SVEP1: variants seen among roughly 807,000 people sequenced by gnomAD.
The protein encoded by SVEP1 is sushi, von Willebrand factor type A, EGF and pentraxin domain containing 1.
SVEP1 carries 164 observed loss-of-function variants against 367.3 expected under a neutral mutation model. The observed-to-expected ratio is 0.45, with a 90% confidence interval of 0.39 to 0.51. SVEP1 has a LOEUF of 0.51. Ranked by LOEUF, SVEP1 falls within the 20% of genes least tolerant of loss-of-function variation. SVEP1 has a pLI of 0.00. For missense variants in SVEP1, 4,117 were observed against 4,425.3 expected (o/e 0.93, Z 1.98); for synonymous variants, 1,666 against 1,611.6 (o/e 1.03, Z -0.81).
chr9:110,451,192 T>C (rs1259136825), intron 23 of SVEP1, 97 bp downstream of exon 23: 2 of 967,754 alleles, frequency 2.1e-6, no homozygotes, highest in Non-Finnish European at 3.1e-6. Flanking sequence ...AGTAATAAAA[T>C]CCAAAAATTC....
intron 22 of SVEP1, among the ~76,000 whole-genome samples, chr9:110,453,593 CGG>C (rs149938266): frequency 0.033 from 5,032 of 152,010 alleles, 79 homozygotes; most frequent in Middle Eastern, 0.058. Flanking sequence ...TGGCCAGGGG[CGG>C]GGTGGCTCAG....
chr9:110,539,257 G>C (rs374602478), intron 3 of SVEP1, among the ~76,000 whole-genome samples: 40 of 152,172 alleles, frequency 2.6e-4, no homozygotes, highest in African/African-American at 9.1e-4. Flanking sequence ...ATGGGAAAGG[G>C]AGCCAGAAAA....
rs1200106811 is a variant in SVEP1, at chr9:110,429,188, A to C, written c.5762T>G (p.Leu1921Arg). 1 of 1,599,524 alleles carries C rather than the reference A, an allele frequency of 6.3e-7. No individual in the cohort carries two copies. Among genetic ancestry groups the C allele is most frequent in the African/African-American group, 1.3e-5 (1 of 74,764 alleles). ...INNGKYILSG[L>R]TYLSTASYSC... ...ATATGATGCAGTAGAAAGGTAGGTA[A>C]GCCCACTCAAAATATATTTTCCATT... The change falls in exon 35 of 48, where the codon CTT (leucine) becomes CGT (arginine). Residue 1921 changes from leucine to arginine, a missense_variant. Coordinates refer to ENST00000374469, the MANE Select transcript of SVEP1 (RefSeq NM_153366.4).
intron 1 of SVEP1, 33 bp downstream of exon 1, chr9:110,578,966 AAGGGCCCGGGGACT>A (rs1830658622): frequency 6.5e-6 from 10 of 1,533,126 alleles, no homozygotes; most frequent in Non-Finnish European, 7.9e-6. Context: ...CGGTGGGTCG[AAGGGCCCGGGGACT>A]AGGGCCCGGG....
At chr9:110,555,928 T>C (rs1830352297) in intron 1 of SVEP1, among the ~76,000 whole-genome samples, 1 of 152,210 alleles carries the variant, frequency 6.6e-6, no homozygotes, top group Non-Finnish European at 1.5e-5. Flanking sequence ...TTGTGGAATG[T>C]ATTAGAAGGC....
intron 40 of SVEP1, among the ~76,000 whole-genome samples, chr9:110,399,304 A>G (rs553003278): frequency 6.8e-6 from 1 of 147,306 alleles, no homozygotes; most frequent in Admixed American, 6.8e-5. Flanking sequence ...ATGAGAACAC[A>G]TGGACACAGG....
At chr9:110,493,637 T>C (rs1266156074) in intron 8 of SVEP1, among the ~76,000 whole-genome samples, 3 of 151,842 alleles carry the variant, frequency 2.0e-5, no homozygotes, top group Non-Finnish European at 4.4e-5. Flanking sequence ...GAGGCTGAGG[T>C]AGAAGAATCG....
intron 5 of SVEP1, among the ~76,000 whole-genome samples, chr9:110,510,970 T>A (rs756522800): frequency 3.9e-5 from 6 of 152,156 alleles, no homozygotes; most frequent in Non-Finnish European, 8.8e-5. Flanking sequence ...AGTTTAGAAA[T>A]CTAGGGTCTA....
At chr9:110,376,305 G>A (rs1236305906) in intron 45 of SVEP1, among the ~76,000 whole-genome samples, 2 of 152,008 alleles carry the variant, frequency 1.3e-5, no homozygotes, top group Non-Finnish European at 2.9e-5. Flanking sequence ...CAGACCTGTC[G>A]TGGGGTACCC....
chr9:110,463,314 C>T (rs949583085), intron 18 of SVEP1, among the ~76,000 whole-genome samples: 6 of 152,020 alleles, frequency 3.9e-5, no homozygotes, highest in African/African-American at 1.4e-4. Context: ...TGTGTACCTA[C>T]AAACCCAAGA....
chr9:110,472,284 G>A lies in SVEP1; in HGVS notation c.2639C>T (p.Ser880Phe), dbSNP rs1195762871. Residue 880 changes from serine to phenylalanine, a missense_variant, in exon 15 of 48, where the codon TCT becomes TTT. By Grantham distance (155) the Ser-to-Phe change is radical (BLOSUM62 -2). Around this residue, in one of 4 missense-constraint regions of SVEP1, gnomAD observed 2,174 missense variants for 2,494.3 expected, o/e 0.87. Coordinates refer to ENST00000374469, the MANE Select transcript of SVEP1 (RefSeq NM_153366.4). Reference sequence around the variant, plus strand: ...CACAGTGTCCAGGAAGTCATCGTAAGAGTAATCCAGCCTATTAGCTGCACC... The same window carrying A: ...CACAGTGTCCAGGAAGTCATCGTAAAAGTAATCCAGCCTATTAGCTGCACC... ...GWGAANRLDY[S>F]YDDFLDTVQE... is the part of the protein sequence containing the mutation. 13 of 1,609,816 alleles carry A rather than the reference G, an allele frequency of 8.1e-6. No homozygotes were observed. The highest frequency in any genetic ancestry group is 3.3e-4 in the Middle Eastern group (2 of 6,050).
At chr9:110,449,845 A>G (rs1263272323) in intron 24 of SVEP1, among the ~76,000 whole-genome samples, 1 of 152,194 alleles carries the variant, frequency 6.6e-6, no homozygotes, top group African/African-American at 2.4e-5. Context: ...GGGAAACTTA[A>G]GCCATAACAG....
chr9:110,369,368 C>T (rs1827243545), intron 47 of SVEP1, among the ~76,000 whole-genome samples: 1 of 152,086 alleles, frequency 6.6e-6, no homozygotes, highest in Non-Finnish European at 1.5e-5. Context: ...CAATGAAATG[C>T]TACGCATAGA....
chr9:110,457,447 C>G, intron 20 of SVEP1, 95 bp from the exon 21 acceptor site: 2 of 925,370 alleles, frequency 2.2e-6, no homozygotes, highest in Non-Finnish European at 3.3e-6. Context: ...TTAGACAGCT[C>G]GTTCCTCCTG....
chr9:110,445,784 A>C, intron 26 of SVEP1, 53 bp downstream of exon 26: 1 of 1,597,342 alleles, frequency 6.3e-7, no homozygotes, highest in Admixed American at 1.7e-5. Context: ...GTCAGTTCTA[A>C]TTCGGTTCCA....
At chr9:110,436,574 T>A in intron 27 of SVEP1, 70 bp from the exon 28 acceptor site, 2 of 1,535,076 alleles carry the variant, frequency 1.3e-6, no homozygotes, top group South Asian at 2.4e-5. Flanking sequence ...AAAATCCAAA[T>A]TTAATGAAAG....
intron 43 of SVEP1, among the ~76,000 whole-genome samples, chr9:110,384,651 A>C (rs74816347): frequency 0.062 from 9,442 of 151,476 alleles, 503 homozygotes; most frequent in African/African-American, 0.15. Flanking sequence ...GATATAATTG[A>C]GACTCTTAAC....
chr9:110,516,850 G>A (rs1829810571), intron 3 of SVEP1, among the ~76,000 whole-genome samples: 1 of 152,130 alleles, frequency 6.6e-6, no homozygotes, highest in Admixed American at 6.5e-5. Context: ...TTAATGCAGA[G>A]ATATATTCCT....
At chr9:110,484,277 T>C (rs1829243224) in intron 9 of SVEP1, among the ~76,000 whole-genome samples, 1 of 152,158 alleles carries the variant, frequency 6.6e-6, no homozygotes, top group Non-Finnish European at 1.5e-5. Context: ...TGACAAATTC[T>C]AGATGAAGAC....
Sources: allele counts gnomAD v4.1 joint callset (sites outside exome capture counted in the v4.1 genomes callset), GRCh38; gene constraint gnomAD v4.1.1; regional missense constraint gnomAD v4.1.1; transcripts MANE v1.5; gene names NCBI Gene and HGNC (gene_info 2026-07-23, HGNC 2026-07-21).